MBTPS1: variants seen among roughly 807,000 people sequenced by gnomAD.
The protein encoded by MBTPS1 is membrane-bound transcription factor site-1 protease.
Under a neutral mutation model 127.8 loss-of-function variants are expected in MBTPS1, and 94 were observed. That is an observed-to-expected ratio of 0.74 (90% CI 0.62 to 0.87). The LOEUF (loss-of-function observed/expected upper bound fraction) is 0.87. Among genes scored for constraint, MBTPS1 ranks in the 40% least tolerant of loss-of-function variants. MBTPS1 has a pLI of 0.00. For synonymous variants in MBTPS1, 632 were observed against 509.4 expected, an observed-to-expected ratio of 1.24 and a Z score of -3.24; for missense variants, 1,636 against 1,353.2, an observed-to-expected ratio of 1.21 and a Z score of -3.28.
At position 84,085,070 on chromosome 16, in the gene MBTPS1, C is replaced by G; in HGVS notation, c.1199G>C (p.Gly400Ala). The change falls in exon 10 of 23, where the codon GGT becomes GCT. Residue 400 changes from glycine (G) to alanine (A), a missense_variant. Physicochemically the swap from Gly to Ala is moderately conservative, Grantham distance 60. Transcript: ENST00000343411. ...DIVTYGAGVR[G>A]SGVKGGCRAL... ...CCGGCACCCCCCTTTCACGCCAGAA[C>G]CCCGCACGCCAGCACCATAGGTGAC... 1 of 1,614,166 alleles carries G rather than the reference C, an allele frequency of 6.2e-7. No individual in the cohort carries two copies.
At position 84,054,657 on chromosome 16, in the gene MBTPS1, C is replaced by T. The variant is rs201639992; in HGVS notation, c.2963-12G>A. ...GCCAGGCATGATCCCTGTAAGAGGA[C>T]AGCCGGTTGAACAGGCAGGAACGCC... On this transcript the variant is annotated splice_polypyrimidine_tract_variant and intron_variant, in intron 22 of 22. Transcript: ENST00000343411. 2,703 of 1,570,212 alleles carry T rather than the reference C, an allele frequency of 1.7e-3. 1 individual carries two copies. The highest frequency in any genetic ancestry group is 3.0e-3 in the Admixed American group (164 of 55,222).
chr16:84,075,969 A>T (rs2085849607), intron 11 of MBTPS1, among the ~76,000 whole-genome samples: 1 of 152,206 alleles, frequency 6.6e-6, no homozygotes, highest in African/African-American at 2.4e-5. Context: ...GTGTTTGTAA[A>T]CTTTGCTGGT....
At chr16:84,091,886 T>A (rs2086115082) in intron 6 of MBTPS1, 38 bp from the exon 7 acceptor site, 1 of 1,223,084 alleles carries the variant, frequency 8.2e-7, no homozygotes, top group Non-Finnish European at 1.2e-6. Flanking sequence ...AGTGTTTCAA[T>A]CAAGTTTTAA....
At chr16:84,094,944 G>C (rs1170613516) in intron 4 of MBTPS1, among the ~76,000 whole-genome samples, 1 of 152,198 alleles carries the variant, frequency 6.6e-6, no homozygotes, top group Non-Finnish European at 1.5e-5. Flanking sequence ...CCTGGGAGCA[G>C]GTGAAACTGG....
At chr16:84,082,955 G>A (rs1277320037) in intron 10 of MBTPS1, among the ~76,000 whole-genome samples, 4 of 152,156 alleles carry the variant, frequency 2.6e-5, no homozygotes, top group East Asian at 1.9e-4. Flanking sequence ...AGATCACAAC[G>A]GCAGTTTCAT....
intron 3 of MBTPS1, 102 bp downstream of exon 3, chr16:84,098,951 G>T: frequency 2.6e-6 from 3 of 1,157,536 alleles, no homozygotes; most frequent in African/African-American, 1.5e-5. Context: ...AAACTAGATG[G>T]AAGGATGCGG....
Position 84,085,581 on chromosome 16 carries a change from C to CG in MBTPS1, c.1135-448_1135-447insC, listed in dbSNP as rs1567490573. 6.4e-5 allele frequency among the ~76,000 whole-genome samples: 7 copies of CG among 108,550 alleles called. 1 individual carries two copies. Among genetic ancestry groups the CG allele is most frequent in the South Asian group, 3.5e-4 (1 of 2,892 alleles). The allele number at this position is 108,550 out of a possible 152,430, so 71.2% of individuals were successfully genotyped here. A position where few individuals can be genotyped will look rare whatever the true frequency, so the allele number is the denominator to read the frequency against. On this transcript the variant is annotated intron_variant, in intron 9 of 22. Transcript: ENST00000343411. ...CTCAGCCCCGCACCCGCCCCCCCCC[C>CG]AAAAAAAAAGAGAAAAAAACAAAGA...
At chr16:84,116,453 C>A (rs1390640653) in intron 1 of MBTPS1, among the ~76,000 whole-genome samples, 1 of 152,228 alleles carries the variant, frequency 6.6e-6, no homozygotes, top group Non-Finnish European at 1.5e-5. Flanking sequence ...AGGCTCCGGG[C>A]CAGAGCAGGG....
At chr16:84,070,184 T>C (rs1338692724) in intron 13 of MBTPS1, 146 bp from the exon 14 acceptor site, 1 of 709,120 alleles carries the variant, frequency 1.4e-6, no homozygotes, top group Non-Finnish European at 2.3e-6. Flanking sequence ...GAAAGATTCA[T>C]GTATCATAAC....
At chr16:84,104,309 C>T (rs1320987295) in intron 1 of MBTPS1, among the ~76,000 whole-genome samples, 2 of 152,036 alleles carry the variant, frequency 1.3e-5, no homozygotes, top group Admixed American at 6.6e-5. Flanking sequence ...GGAGAAACCT[C>T]ATCTCTACAA....
At chr16:84,089,138 C>T (rs189340955) in intron 8 of MBTPS1, among the ~76,000 whole-genome samples, 484 of 152,302 alleles carry the variant, frequency 3.2e-3, no homozygotes, top group Non-Finnish European at 4.8e-3. Context: ...GGATGGGGTG[C>T]GGAAGACCTG....
At chr16:84,074,506 T>A in intron 12 of MBTPS1, 91 bp downstream of exon 12, 2 of 1,387,164 alleles carry the variant, frequency 1.4e-6, no homozygotes, top group Non-Finnish European at 2.0e-6. Context: ...TTTTCCTTTT[T>A]TAACTTCAGC....
intron 17 of MBTPS1, among the ~76,000 whole-genome samples, chr16:84,066,191 A>G (rs2085680908): frequency 1.3e-5 from 2 of 152,232 alleles, no homozygotes; most frequent in Admixed American, 6.5e-5. Context: ...TATTTCATGA[A>G]TAGCACTTTG....
intron 20 of MBTPS1, chr16:84,060,117 A>T (rs1439634923): frequency 1.3e-5 from 2 of 153,038 alleles, no homozygotes; most frequent in East Asian, 3.8e-4. Context: ...CTAAGTGCCA[A>T]GCAGCTGGCG....
rs143902156 is a variant in MBTPS1 at position 84,070,630 on chromosome 16, C to A, written c.1740G>T (p.Gln580His). 1 of 1,613,396 alleles carries A rather than the reference C, an allele frequency of 6.2e-7. No individual in the cohort carries two copies. The highest frequency in any genetic ancestry group is 2.2e-5 in the East Asian group (1 of 44,884). ...KKAASWEGIA[Q>H]GHVMITVASP... is the part of the protein sequence containing the mutation. ...AAGCCACAGTGATCATGACATGGCC[C>A]TGAGCAATGCCTTCCCAGGAAGCCG... Residue 580 changes from glutamine (Q) to histidine (H), a missense_variant, in exon 13 of 23, where the codon CAG becomes CAT. Gln to His is a conservative substitution (Grantham distance 24, BLOSUM62 0). Coordinates refer to ENST00000343411, the MANE Select transcript of MBTPS1 (RefSeq NM_003791.4).
rs780390400 is a variant in MBTPS1 at position 84,069,883 on chromosome 16, C to T, written c.1938G>A (p.Lys646=). Residue 646 remains lysine (K), a synonymous_variant, in exon 14 of 23, where the codon AAG becomes AAA. Coordinates refer to ENST00000343411, the MANE Select transcript of MBTPS1 (RefSeq NM_003791.4). ...GTGCTTACCAGTCTAAAGGGTCATT[C>T]TTCATCCTTAAATTATCCCTGGGGA... ...GYFPRDNLRM[K]NDPLDWNGDH... is the part of the protein sequence containing the mutation. The T allele has an allele frequency of 1.9e-6, 3 of 1,613,956 alleles. No individual in the cohort carries two copies. The highest frequency in any genetic ancestry group is 8.5e-7 in the Non-Finnish European group (1 of 1,179,972).
In MBTPS1 at chr16:84,067,702, A is replaced by G. The variant is rs1181576613; in HGVS notation, c.2193T>C (p.Val731=). The change falls in exon 16 of 23, where the codon GTT becomes GTC. Residue 731 remains valine, a synonymous_variant. Transcript: ENST00000343411. ...CATCATAAAACTTCACTTTTCTCATAACAGAAGTGTTGTACCAGTCACTGA... is the reference window on the plus strand; with the variant it reads ...CATCATAAAACTTCACTTTTCTCATGACAGAAGTGTTGTACCAGTCACTGA... The part of the protein sequence containing the change: ...VIFSDWYNTS[V]MRKVKFYDEN... 6.2e-7 allele frequency: 1 copy of G among 1,613,898 alleles called. No individual in the cohort carries two copies.
In MBTPS1 at chr16:84,099,298, G is replaced by T; in HGVS notation, c.176C>A (p.Ala59Asp). ...TTTGGCTGTAAAGTATCCATTGAAA[G>T]CCACAATATATTCTGAAACCAATCA... ...STVVEYEYIV[A>D]FNGYFTAKAR... The change falls in exon 3 of 23, where the codon GCT becomes GAT. Residue 59 changes from alanine to aspartate, a missense_variant. By Grantham distance (126) the Ala-to-Asp change is moderately radical. Transcript: ENST00000343411. 6.2e-7 allele frequency: 1 copy of T among 1,613,768 alleles called. No individual in the cohort carries two copies. The highest frequency in any genetic ancestry group is 8.5e-7 in the Non-Finnish European group (1 of 1,179,936).
chr16:84,061,624 G>GTTCTT (rs1226873625), intron 19 of MBTPS1: 1 of 152,422 alleles, frequency 6.6e-6, no homozygotes, highest in African/African-American at 2.4e-5. Flanking sequence ...TGCAGCATCT[G>GTTCTT]TTCACTTGAG....
Sources: gnomAD v4.1 joint callset for allele counts (sites outside exome capture counted in the v4.1 genomes callset) on GRCh38, gnomAD v4.1.1 for gene constraint, MANE v1.5 for transcripts, NCBI Gene and HGNC (gene_info 2026-07-23, HGNC 2026-07-21) for gene names.